The following STK35 variants were observed in gnomAD, a reference collection of about 807,000 sequenced individuals.
STK35 encodes serine/threonine kinase 35.
STK35 carries 17 observed loss-of-function variants against 37.3 expected under a neutral mutation model. The ratio of observed to expected loss-of-function variants is 0.46; its 90% confidence interval spans 0.31 to 0.68. The LOEUF (loss-of-function observed/expected upper bound fraction) is 0.68. Ranked by LOEUF, STK35 falls within the 30% of genes least tolerant of loss-of-function variation. The pLI, the probability that STK35 is intolerant of heterozygous loss-of-function variation, is 0.05. For synonymous variants in STK35, 385 were observed against 319.1 expected, an observed-to-expected ratio of 1.21 and a Z score of -2.20; for missense variants, 595 against 746.7, an observed-to-expected ratio of 0.80 and a Z score of 2.37.
At chr20:2,114,982 T>C (rs1273528748) in intron 2 of STK35, among the ~76,000 whole-genome samples, 3 of 152,208 alleles carry the variant, frequency 2.0e-5, no homozygotes, top group African/African-American at 4.8e-5. Context: ...TGATGCTTCA[T>C]TGTGCAGTAT....
chr20:2,102,434 G>A (rs1320490144), intron 1 of STK35, among the ~76,000 whole-genome samples: 1 of 152,232 alleles, frequency 6.6e-6, no homozygotes. Context: ...AGGGGGCCAA[G>A]CAAAGAAAAA....
At chr20:2,119,035 G>A (rs1284057413) in intron 3 of STK35, among the ~76,000 whole-genome samples, 1 of 152,164 alleles carries the variant, frequency 6.6e-6, no homozygotes, top group Non-Finnish European at 1.5e-5. Flanking sequence ...TAGGCTCTGG[G>A]GTGACATGAT....
chr20:2,120,655 T>TG, intron 3 of STK35, among the ~76,000 whole-genome samples: 1 of 152,336 alleles, frequency 6.6e-6, no homozygotes, highest in Admixed American at 6.5e-5. Flanking sequence ...GTTTTGTAGA[T>TG]GGACAAGCTA....
chr20:2,130,837 G>A (rs569823939), intron 3 of STK35, among the ~76,000 whole-genome samples: 1 of 152,230 alleles, frequency 6.6e-6, no homozygotes. Context: ...CAGCCAGTGG[G>A]GAAGGGGCTT....
At chr20:2,107,883 A>G (rs929159203) in intron 2 of STK35, among the ~76,000 whole-genome samples, 21 of 152,344 alleles carry the variant, frequency 1.4e-4, no homozygotes, top group African/African-American at 4.8e-4. Flanking sequence ...TTAACACAAT[A>G]CAATAAAATG....
intron 2 of STK35, among the ~76,000 whole-genome samples, chr20:2,105,148 C>A (rs1335968443): frequency 7.1e-6 from 1 of 140,048 alleles, no homozygotes; most frequent in Admixed American, 7.1e-5. Context: ...CTGAGCAAGA[C>A]CCTGTCTCAA....
intron 3 of STK35, among the ~76,000 whole-genome samples, chr20:2,137,678 C>T (rs771216433): frequency 6.6e-6 from 1 of 152,148 alleles, no homozygotes; most frequent in African/African-American, 2.4e-5. Context: ...CCTGTTTTTG[C>T]CCTACTTTAA....
intron 2 of STK35, among the ~76,000 whole-genome samples, chr20:2,113,527 G>A (rs1230398297): frequency 6.6e-6 from 1 of 152,152 alleles, no homozygotes; most frequent in Non-Finnish European, 1.5e-5. Context: ...AATAGGAATA[G>A]CCTGGTCTGC....
intron 3 of STK35, among the ~76,000 whole-genome samples, chr20:2,119,932 A>G (rs78332016): frequency 0.079 from 11,985 of 152,208 alleles, 615 homozygotes; most frequent in Non-Finnish European, 0.11. Flanking sequence ...CTTAGGTTTA[A>G]TTCTTTCATT....
chr20:2,110,568 T>C (rs1431663394), intron 2 of STK35, among the ~76,000 whole-genome samples: 2 of 152,292 alleles, frequency 1.3e-5, no homozygotes, highest in East Asian at 3.9e-4. Flanking sequence ...TGTTTTTTTG[T>C]TGGGTGGGGA....
At chr20:2,122,508 T>G (rs965960955) in intron 3 of STK35, among the ~76,000 whole-genome samples, 4 of 152,212 alleles carry the variant, frequency 2.6e-5, no homozygotes, top group Non-Finnish European at 5.9e-5. Context: ...GTTGGAAACC[T>G]GGGATTCCCC....
At chr20:2,106,017 A>G (rs1985508555) in intron 2 of STK35, among the ~76,000 whole-genome samples, 1 of 152,228 alleles carries the variant, frequency 6.6e-6, no homozygotes, top group Admixed American at 6.5e-5. Flanking sequence ...AGAGCAGTGA[A>G]GAAAATATGT....
In STK35 at chr20:2,146,936, AGCCTC is replaced by A. The variant is rs376463566; in HGVS notation, c.*3192_*3196del. On this transcript the variant is annotated 3_prime_UTR_variant, in exon 4 of 4. Coordinates refer to ENST00000381482, the MANE Select transcript of STK35 (RefSeq NM_080836.4). ...ACTGGGGACTAAGGTTGCAGGCCTT[AGCCTC>A]GTCTCGTCCCAGAGGCATTGGATCA... 2 of 152,604 alleles carry A rather than the reference AGCCTC, an allele frequency of 1.3e-5. No individual in the cohort carries two copies. Among genetic ancestry groups the A allele is most frequent in the African/African-American group, 4.8e-5 (2 of 41,584 alleles). The allele number at this position is 152,604 out of a possible 1,614,324, so 9.5% of individuals were successfully genotyped here. A position where few individuals can be genotyped will look rare whatever the true frequency, so the allele number is the denominator to read the frequency against.
chr20:2,121,396 G>A (rs946450546), intron 3 of STK35, among the ~76,000 whole-genome samples: 11 of 152,160 alleles, frequency 7.2e-5, no homozygotes, highest in African/African-American at 2.7e-4. Context: ...AGGTGTGAGA[G>A]AAAGGAATTA....
intron 3 of STK35, among the ~76,000 whole-genome samples, chr20:2,119,651 C>A (rs1203056833): frequency 6.6e-6 from 1 of 152,174 alleles, no homozygotes. Context: ...TTCAAGCATC[C>A]CCCACCCCCT....
In STK35 at chr20:2,131,927, A is replaced by T. The variant is rs562244450; in HGVS notation, c.*38-11857A>T. On this transcript the variant is annotated intron_variant, in intron 3 of 3. Coordinates refer to ENST00000381482, the MANE Select transcript of STK35 (RefSeq NM_080836.4). ...TATTCTGTATACTTTTTTCTATTTTAAAAAAGTAATTTTTTTACTTTTTAA... is the reference window on the plus strand; with the variant it reads ...TATTCTGTATACTTTTTTCTATTTTTAAAAAGTAATTTTTTTACTTTTTAA... 4.6e-5 allele frequency among the ~76,000 whole-genome samples: 7 copies of T among 152,258 alleles called. No homozygotes were observed. The South Asian group carries it at 1.4e-3, about 32-fold the overall frequency.
rs540121393 is a variant in STK35, at chr20:2,114,673, C to CT, written c.893-1986dup. Among the ~76,000 whole-genome samples, 61 of 152,270 alleles carry CT rather than the reference C, an allele frequency of 4.0e-4. 1 individual carries two copies. In the Middle Eastern group the frequency reaches 0.017, roughly 42 times the overall value. ...CCCAACCACTCACAAACTTTGGGTT[C>CT]TTTTTTTACCATTTTTTCTTTCCCT... is the stretch of plus-strand genomic sequence containing the variant. On this transcript the variant is annotated intron_variant, in intron 2 of 3. Coordinates refer to ENST00000381482, the MANE Select transcript of STK35 (RefSeq NM_080836.4).
At chr20:2,125,384 A>G (rs1410918184) in intron 3 of STK35, among the ~76,000 whole-genome samples, 10 of 152,190 alleles carry the variant, frequency 6.6e-5, no homozygotes, top group Non-Finnish European at 1.0e-4. Context: ...CTGCTTAGCT[A>G]TTCTGTTATG....
At chr20:2,107,858 T>C (rs777393375) in intron 2 of STK35, among the ~76,000 whole-genome samples, 3 of 152,138 alleles carry the variant, frequency 2.0e-5, no homozygotes, top group Admixed American at 6.5e-5. Context: ...CTGGCTGGCA[T>C]TGGGGAAATA....
Sources: allele counts gnomAD v4.1 joint callset (sites outside exome capture counted in the v4.1 genomes callset), GRCh38; gene constraint gnomAD v4.1.1; transcripts MANE v1.5; gene names NCBI Gene and HGNC (gene_info 2026-07-23, HGNC 2026-07-21).